The following HERC3 variants were observed in gnomAD, a reference collection of about 807,000 sequenced individuals.
HERC3 encodes the protein probable E3 ubiquitin-protein ligase HERC3.
Under a neutral mutation model 129.9 loss-of-function variants are expected in HERC3, and 58 were observed. The ratio of observed to expected loss-of-function variants is 0.45; its 90% CI spans 0.36 to 0.56. The LOEUF is 0.56. Among genes scored for constraint, HERC3 ranks in the 20% least tolerant of loss-of-function variants. HERC3 has a pLI of 0.00. For missense variants in HERC3, 835 were observed against 1,244.2 expected (o/e 0.67, Z 4.95); for synonymous variants, 430 against 451.0 (o/e 0.95, Z 0.59).
chr4:88,527,857 G>A, the HERC3 span: 2 of 306,414 alleles, frequency 6.5e-6, no homozygotes, highest in South Asian at 3.2e-5. Flanking sequence ...GGTAGCTGAG[G>A]GCCTGACGGA....
chr4:88,625,356 T>A (rs1725981472), intron 3 of HERC3, among the ~76,000 whole-genome samples: 1 of 152,188 alleles, frequency 6.6e-6, no homozygotes, highest in Non-Finnish European at 1.5e-5. Context: ...ATTTTAGGTC[T>A]TCTTTAATTT....
intron 3 of HERC3, among the ~76,000 whole-genome samples, chr4:88,608,668 A>AC (rs1318496214): frequency 6.6e-6 from 1 of 152,182 alleles, no homozygotes; most frequent in Non-Finnish European, 1.5e-5. Context: ...CAGATTAAAA[A>AC]CCAAGTCTTC....
upstream of HERC3, among the ~76,000 whole-genome samples, chr4:88,589,957 A>G (rs1287948526): frequency 6.6e-6 from 1 of 152,184 alleles, no homozygotes; most frequent in East Asian, 1.9e-4. Context: ...TTTCCTCAAG[A>G]TGAAATTTCA....
the HERC3 span, among the ~76,000 whole-genome samples, chr4:88,568,013 C>G: frequency 1.3e-5 from 2 of 152,282 alleles, no homozygotes; most frequent in African/African-American, 4.8e-5. Flanking sequence ...TAGAGGCCAC[C>G]CCAAAGCTAG....
rs77402016 is a variant in HERC3, at chr4:88,659,392, A to G, written c.1146+901A>G. 4.3e-3 allele frequency among the ~76,000 whole-genome samples: 652 copies of G among 152,306 alleles called. 1 individual carries two copies. The highest frequency in any genetic ancestry group is 0.015 in the African/African-American group (629 of 41,574). On this transcript the variant is annotated intron_variant, in intron 10 of 25. Coordinates refer to ENST00000402738, the MANE Select transcript of HERC3 (RefSeq NM_014606.3). ...TTCTCTATTAGTTTGATACTTAGCTATCTTTAAGTACACAAAGTATTTGCC... is the reference window on the plus strand; with the variant it reads ...TTCTCTATTAGTTTGATACTTAGCTGTCTTTAAGTACACAAAGTATTTGCC...
At chr4:88,549,634 G>C in the HERC3 span, among the ~76,000 whole-genome samples, 1 of 152,086 alleles carries the variant, frequency 6.6e-6, no homozygotes, top group South Asian at 2.1e-4. Flanking sequence ...TTGACGCAAA[G>C]GACATGATTT....
intron 18 of HERC3, among the ~76,000 whole-genome samples, chr4:88,676,682 A>G (rs1318919232): frequency 1.3e-5 from 2 of 152,230 alleles, no homozygotes; most frequent in African/African-American, 4.8e-5. Flanking sequence ...CTCTGTTACA[A>G]CTATTCAACT....
At chr4:88,574,418 G>T in the HERC3 span, among the ~76,000 whole-genome samples, 1 of 151,904 alleles carries the variant, frequency 6.6e-6, no homozygotes, top group African/African-American at 2.4e-5. Flanking sequence ...TTTTAATTGT[G>T]GTAAAATACA....
At chr4:88,634,916 G>T (rs1473193247) in intron 3 of HERC3, among the ~76,000 whole-genome samples, 4 of 152,140 alleles carry the variant, frequency 2.6e-5, no homozygotes, top group Non-Finnish European at 4.4e-5. Context: ...CTCTGCAGAA[G>T]AGGGACCTGA....
At position 88,684,354 on chromosome 4, in the gene HERC3, C is replaced by T. The variant is rs187446658; in HGVS notation, c.2508-2382C>T. ...TGATTTTCGACAAACCTGACAAAAACAAGCAATGAGGAAAGGATTCCCTAT... is the reference window on the plus strand; with the variant it reads ...TGATTTTCGACAAACCTGACAAAAATAAGCAATGAGGAAAGGATTCCCTAT... On this transcript the variant is annotated intron_variant, in intron 21 of 25. Transcript: ENST00000402738. 6.9e-3 allele frequency among the ~76,000 whole-genome samples: 1,050 copies of T among 152,254 alleles called. 10 individuals carry two copies. Among genetic ancestry groups the T allele is most frequent in the African/African-American group, 0.024 (1,009 of 41,546 alleles).
At chr4:88,655,045 G>GAT in intron 7 of HERC3, 129 bp from the exon 8 acceptor site, 2 of 752,180 alleles carry the variant, frequency 2.7e-6, no homozygotes, top group South Asian at 5.3e-5. Context: ...CTTACAAAGT[G>GAT]ATTTTGGCCA....
At chr4:88,613,582 C>G (rs1221706865) in intron 3 of HERC3, among the ~76,000 whole-genome samples, 1 of 152,226 alleles carries the variant, frequency 6.6e-6, no homozygotes, top group Non-Finnish European at 1.5e-5. Context: ...CGCAATAACT[C>G]TGTCATGTTA....
chr4:88,583,408 T>A, the HERC3 span, among the ~76,000 whole-genome samples: 1 of 150,580 alleles, frequency 6.6e-6, no homozygotes, highest in African/African-American at 2.5e-5. Flanking sequence ...ACCACTGCAC[T>A]CCAGCCTGGA....
chr4:88,704,161 A>T lies in HERC3; in HGVS notation c.2721A>T (p.Thr907=). The change falls in exon 24 of 26, where the codon ACA becomes ACT. Residue 907 remains threonine (T), a synonymous_variant. Coordinates refer to ENST00000402738, the MANE Select transcript of HERC3 (RefSeq NM_014606.3). ...VFQISVHEWY[T]AFSSGFLKVC... is the part of the protein sequence containing the mutation. ...AAATCTCAGTTCATGAATGGTACAC[A>T]GCCTTCTCTAGTGGCTTCCTAAAGG... 2 of 1,614,200 alleles carry T rather than the reference A, an allele frequency of 1.2e-6. No homozygotes were observed. The highest frequency in any genetic ancestry group is 1.7e-6 in the Non-Finnish European group (2 of 1,180,010).
rs1725309773 is a variant in HERC3 at position 88,619,714 on chromosome 4, A to G, written c.226+13665A>G. ...AAATAACTGCCAGACGTTGCCAGAC[A>G]AAGATTTCATATTTCTAATATGCTA... On this transcript the variant is annotated intron_variant, in intron 3 of 25. Transcript: ENST00000402738. 5.9e-5 allele frequency among the ~76,000 whole-genome samples: 9 copies of G among 152,218 alleles called. No individual in the cohort carries two copies. In the South Asian group the frequency reaches 1.9e-3, roughly 32 times the overall value.
At chr4:88,525,721 T>C in the HERC3 span, among the ~76,000 whole-genome samples, 1 of 152,236 alleles carries the variant, frequency 6.6e-6, no homozygotes, top group African/African-American at 2.4e-5. Context: ...AATGTATGAC[T>C]ATCACCATGT....
rs573065597 is a variant in HERC3 at position 88,595,158 on chromosome 4, T to TTG, written c.-87-396_-87-395dup. Among the ~76,000 whole-genome samples the TTG allele has an allele frequency of 1.4e-3, 212 of 148,336 alleles. 2 individuals carry two copies. Among genetic ancestry groups the TTG allele is most frequent in the African/African-American group, 4.9e-3 (198 of 40,220 alleles). Reference sequence around the variant, plus strand: ...TGAAAGGAGACAGTCTTCATAACAGTTGTGGCAAAACAAGCTGCTATGTGT... The same window carrying TTG: ...TGAAAGGAGACAGTCTTCATAACAGTTGTGTGGCAAAACAAGCTGCTATGTGT... On this transcript the variant is annotated intron_variant, in intron 1 of 25. Transcript: ENST00000402738.
chr4:88,634,708 G>A (rs1239899564), intron 3 of HERC3, among the ~76,000 whole-genome samples: 5 of 54,864 alleles, frequency 9.1e-5, no homozygotes, highest in East Asian at 5.2e-4. Context: ...CCCCGCCCCC[G>A]CCAACAGGGG....
chr4:88,623,389 T>A (rs1725755222), intron 3 of HERC3, among the ~76,000 whole-genome samples: 1 of 152,230 alleles, frequency 6.6e-6, no homozygotes, highest in Admixed American at 6.5e-5. Flanking sequence ...CTATGCATAA[T>A]TTTGTTACTG....
Sources: allele counts gnomAD v4.1 joint callset (sites outside exome capture counted in the v4.1 genomes callset), GRCh38; gene constraint gnomAD v4.1.1; transcripts MANE v1.5; gene names NCBI Gene and HGNC (gene_info 2026-07-23, HGNC 2026-07-21).